Variants in PPP2R2A observed in about 807,000 individuals in gnomAD.
PPP2R2A encodes the protein serine/threonine-protein phosphatase 2A 55 kDa regulatory subunit B alpha isoform.
A neutral mutation model predicts 53.2 loss-of-function variants in PPP2R2A; 9 were observed. That is an observed-to-expected ratio of 0.17 (90% confidence interval 0.10 to 0.30). The LOEUF is 0.30. Among genes scored for constraint, PPP2R2A ranks in the 10% least tolerant of loss-of-function variants. PPP2R2A has a pLI of 1.00. For synonymous variants in PPP2R2A, 169 were observed against 174.2 expected, an observed-to-expected ratio of 0.97 and a Z score of 0.23; for missense variants, 235 against 534.6, an observed-to-expected ratio of 0.44 and a Z score of 5.53.
intron 3 of PPP2R2A, among the ~76,000 whole-genome samples, chr8:26,346,579 C>T (rs966425721): frequency 3.3e-5 from 5 of 152,224 alleles, no homozygotes; most frequent in African/African-American, 7.2e-5. Context: ...CTCTGCTAGT[C>T]TTTCTACTTT....
chr8:26,318,360 T>C (rs73560512), intron 2 of PPP2R2A, among the ~76,000 whole-genome samples: 19,644 of 152,198 alleles, frequency 0.13, 1,411 homozygotes, highest in African/African-American at 0.19. Flanking sequence ...TTTTTCAAGG[T>C]ACGGTAATGG....
In PPP2R2A at chr8:26,329,204, G is replaced by A. The variant is rs572334413; in HGVS notation, c.83-9686G>A. Among the ~76,000 whole-genome samples, 43 of 151,986 alleles carry A rather than the reference G, an allele frequency of 2.8e-4. No individual in the cohort carries two copies. In the South Asian group the frequency reaches 5.8e-3, roughly 21 times the overall value. On this transcript the variant is annotated intron_variant, in intron 2 of 9. Transcript: ENST00000380737. ...CTATTTTGTTGTGGTCAGACAGTAT[G>A]GTCTTTATAATTTGATTTCTTGGAG... is the stretch of plus-strand genomic sequence containing the variant.
intron 2 of PPP2R2A, among the ~76,000 whole-genome samples, chr8:26,326,279 A>G (rs541279135): frequency 1.3e-5 from 2 of 152,352 alleles, no homozygotes; most frequent in African/African-American, 4.8e-5. Context: ...GGTTCCTCCC[A>G]GTTCTCAGTC....
Position 26,360,765 on chromosome 8 carries a change from A to C in PPP2R2A, c.460-209A>C. 1 of 493,928 alleles carries C rather than the reference A, an allele frequency of 2.0e-6. No homozygotes were observed. The allele number at this position is 493,928 out of a possible 1,614,324, so 30.6% of individuals were successfully genotyped here. A position where few individuals can be genotyped will look rare whatever the true frequency, so the allele number is the denominator to read the frequency against. On this transcript the variant is annotated intron_variant, in intron 5 of 9. Transcript: ENST00000380737. This position sits in a 1 kb window ranked among gnomAD's most constrained non-coding sequence, Gnocchi z 4.5. ...AACTGCAAATTCTAATAGTATTGCA[A>C]CCAGTAAAAGAAGATATATTATCCA...
intron 2 of PPP2R2A, among the ~76,000 whole-genome samples, chr8:26,314,700 T>C (rs1024191828): frequency 6.6e-6 from 1 of 152,210 alleles, no homozygotes; most frequent in African/African-American, 2.4e-5. Context: ...CCATTCTGTT[T>C]ACTGATTTTT....
chr8:26,310,080 A>G (rs1414570912), intron 2 of PPP2R2A, among the ~76,000 whole-genome samples: 2 of 149,484 alleles, frequency 1.3e-5, no homozygotes, highest in African/African-American at 4.9e-5. Context: ...CAAGATATCT[A>G]GACCATCTTG....
chr8:26,307,564 A>G (rs1322572177), intron 2 of PPP2R2A, among the ~76,000 whole-genome samples: 1 of 152,258 alleles, frequency 6.6e-6, no homozygotes, highest in Admixed American at 6.5e-5. Context: ...AAAATGCCAA[A>G]ATGTCATAAT....
intron 2 of PPP2R2A, among the ~76,000 whole-genome samples, chr8:26,327,829 AC>A (rs1325336403): frequency 6.6e-6 from 1 of 152,208 alleles, no homozygotes; most frequent in African/African-American, 2.4e-5. Context: ...GTGTAGAAAT[AC>A]AGCTGAGAAG....
intron 2 of PPP2R2A, among the ~76,000 whole-genome samples, chr8:26,322,004 G>C (rs552552733): frequency 6.6e-6 from 1 of 152,250 alleles, no homozygotes; most frequent in South Asian, 2.1e-4. Flanking sequence ...GATACATACA[G>C]AGAATGATAG....
chr8:26,319,209 C>T (rs1802711028), intron 2 of PPP2R2A, among the ~76,000 whole-genome samples: 1 of 152,058 alleles, frequency 6.6e-6, no homozygotes, highest in Admixed American at 6.5e-5. Flanking sequence ...TCACTCATCT[C>T]TTGATGGACA....
At chr8:26,327,694 T>G (rs1362256852) in intron 2 of PPP2R2A, among the ~76,000 whole-genome samples, 1 of 152,148 alleles carries the variant, frequency 6.6e-6, no homozygotes, top group Non-Finnish European at 1.5e-5. Flanking sequence ...AAACTATCAT[T>G]TTATAGATGT....
chr8:26,301,281 A>C (rs1801769518), intron 2 of PPP2R2A, among the ~76,000 whole-genome samples: 1 of 150,614 alleles, frequency 6.6e-6, no homozygotes, highest in Non-Finnish European at 1.5e-5. Context: ...TATAATTTGG[A>C]GATTTGTTGA....
chr8:26,292,074 C>A, intron 1 of PPP2R2A: 2 of 939,982 alleles, frequency 2.1e-6, no homozygotes, highest in Non-Finnish European at 2.5e-6. Context: ...GGTGTGCCGG[C>A]GAGCTTGGGG....
intron 2 of PPP2R2A, among the ~76,000 whole-genome samples, chr8:26,336,796 G>A (rs982731351): frequency 4.0e-5 from 6 of 151,482 alleles, no homozygotes; most frequent in African/African-American, 1.2e-4. Context: ...TGGGAGGATT[G>A]CTTGAGCCCA....
chr8:26,318,589 CTG>C (rs931538966), intron 2 of PPP2R2A, among the ~76,000 whole-genome samples: 20 of 152,302 alleles, frequency 1.3e-4, no homozygotes, highest in African/African-American at 4.3e-4. Flanking sequence ...TTGAAATACT[CTG>C]TAGTGAAACT....
chr8:26,298,175 A>T (rs1801625945), intron 2 of PPP2R2A, among the ~76,000 whole-genome samples: 1 of 152,238 alleles, frequency 6.6e-6, no homozygotes, highest in South Asian at 2.1e-4. Context: ...AGTAACCTGG[A>T]CATTTTTGTT....
intron 9 of PPP2R2A, among the ~76,000 whole-genome samples, chr8:26,369,595 T>C (rs140666641): frequency 3.9e-5 from 6 of 152,284 alleles, no homozygotes; most frequent in Admixed American, 1.3e-4. Context: ...GGTTTCACCA[T>C]GTTAGCCAGA....
chr8:26,352,042 G>A (rs1804546650), intron 3 of PPP2R2A, among the ~76,000 whole-genome samples: 1 of 152,186 alleles, frequency 6.6e-6, no homozygotes, highest in Admixed American at 6.5e-5. Context: ...AAACTTTCAT[G>A]CAAATAGATT....
Position 26,354,515 on chromosome 8 carries a change from C to T in PPP2R2A, c.228C>T (p.Thr76=). The T allele has an allele frequency of 6.2e-7, 1 of 1,602,814 alleles. No homozygotes were observed. The highest frequency in any genetic ancestry group is 8.5e-7 in the Non-Finnish European group (1 of 1,172,978). ...HSRGEYNVYS[T]FQSHEPEFDY... ...GAGGAGAATATAATGTTTACAGCACCTTCCAGAGCCATGAACCAGAGTTTG... is the reference window on the plus strand; with the variant it reads ...GAGGAGAATATAATGTTTACAGCACTTTCCAGAGCCATGAACCAGAGTTTG... Residue 76 remains threonine (T), a synonymous_variant, in exon 4 of 10, where the codon ACC becomes ACT. Coordinates refer to ENST00000380737, the MANE Select transcript of PPP2R2A (RefSeq NM_002717.4). The surrounding 1 kb of genome is among the most constrained non-coding windows in gnomAD (Gnocchi z 4.6).
Sources: allele counts gnomAD v4.1 joint callset (sites outside exome capture counted in the v4.1 genomes callset), GRCh38; gene constraint gnomAD v4.1.1; non-coding constraint Gnocchi (gnomAD v3.1); transcripts MANE v1.5; gene names NCBI Gene and HGNC (gene_info 2026-07-23, HGNC 2026-07-21).